The following SNTG1 variants were observed in gnomAD, a reference collection of about 807,000 sequenced individuals.
SNTG1 encodes gamma-1-syntrophin.
SNTG1 carries 39 observed loss-of-function variants against 74.7 expected under a neutral mutation model. That is an observed-to-expected ratio of 0.52 (90% CI 0.40 to 0.68). The LOEUF (loss-of-function observed/expected upper bound fraction) is 0.68, where lower values mean the gene tolerates loss of function less well. Among genes scored for constraint, SNTG1 ranks in the 30% least tolerant of loss-of-function variants. SNTG1 has a pLI of 0.00. For missense variants in SNTG1, 685 were observed against 609.5 expected, an observed-to-expected ratio of 1.12 and a Z score of -1.30; for synonymous variants, 254 against 217.1, an observed-to-expected ratio of 1.17 and a Z score of -1.49.
intron 2 of SNTG1, among the ~76,000 whole-genome samples, chr8:50,359,200 C>A (rs1332732909): frequency 6.6e-6 from 1 of 152,180 alleles, no homozygotes; most frequent in Non-Finnish European, 1.5e-5. Context: ...CTGCTTTGTG[C>A]TCAGTCTTCC....
At chr8:50,488,619 C>T (rs549754685) in intron 8 of SNTG1, among the ~76,000 whole-genome samples, 2 of 152,266 alleles carry the variant, frequency 1.3e-5, no homozygotes, top group South Asian at 4.1e-4. Flanking sequence ...CACCTAATGT[C>T]TATCCTCCAT....
At chr8:50,540,693 G>T (rs771157488) in intron 11 of SNTG1, among the ~76,000 whole-genome samples, 54 of 152,160 alleles carry the variant, frequency 3.5e-4, no homozygotes, top group Non-Finnish European at 2.9e-4. Context: ...AGTAGATTTA[G>T]AATTTTTATA....
intron 8 of SNTG1, among the ~76,000 whole-genome samples, chr8:50,498,311 T>C (rs1299540307): frequency 6.6e-6 from 1 of 151,916 alleles, no homozygotes; most frequent in Non-Finnish European, 1.5e-5. Context: ...TCAGAAGATT[T>C]ATAGTGGTAT....
chr8:50,275,075 C>T (rs772645733), intron 2 of SNTG1, among the ~76,000 whole-genome samples: 4 of 151,804 alleles, frequency 2.6e-5, no homozygotes, highest in Non-Finnish European at 4.4e-5. Flanking sequence ...GTAATGCTGG[C>T]CTTCTAGAGT....
chr8:50,568,048 T>G (rs1419606191), intron 12 of SNTG1, among the ~76,000 whole-genome samples: 1 of 152,070 alleles, frequency 6.6e-6, no homozygotes, highest in Admixed American at 6.6e-5. Context: ...AATATTCTAC[T>G]CTCTACTTCT....
intron 2 of SNTG1, among the ~76,000 whole-genome samples, chr8:50,273,569 C>T (rs919136933): frequency 7.9e-5 from 12 of 152,040 alleles, no homozygotes; most frequent in South Asian, 4.1e-4. Flanking sequence ...GAAAGTTGTT[C>T]GGTGTCATGG....
intron 1 of SNTG1, among the ~76,000 whole-genome samples, chr8:49,976,572 C>T (rs1302749185): frequency 6.6e-6 from 1 of 152,036 alleles, no homozygotes; most frequent in African/African-American, 2.4e-5. Flanking sequence ...AATGTCATGC[C>T]AAAAGAAAAG....
Position 50,793,090 on chromosome 8 carries a change from G to A in SNTG1, c.*261G>A. On this transcript the variant is annotated 3_prime_UTR_variant, in exon 19 of 19. Transcript: ENST00000642720. ...TAAGTGTATTGCTTTCACCAAAAGT[G>A]GAGACAAAAGAATAAATTATTTGAA... 3.2e-6 allele frequency: 1 copy of A among 307,888 alleles called. No homozygotes were observed. Among genetic ancestry groups the A allele is most frequent in the East Asian group, 5.3e-5 (1 of 19,032 alleles). The allele number at this position is 307,888 out of a possible 1,614,324, so 19.1% of individuals were successfully genotyped here.
chr8:50,134,709 GA>G (rs1318932248), intron 1 of SNTG1, among the ~76,000 whole-genome samples: 1 of 151,976 alleles, frequency 6.6e-6, no homozygotes, highest in Non-Finnish European at 1.5e-5. Context: ...TACTTTAGGA[GA>G]AAAAATAGTT....
intron 3 of SNTG1, among the ~76,000 whole-genome samples, chr8:50,395,809 C>A (rs952610218): frequency 3.9e-5 from 6 of 152,130 alleles, no homozygotes; most frequent in Non-Finnish European, 8.8e-5. Context: ...CTGTGCCCGG[C>A]CCATTTCTGG....
At chr8:49,968,646 G>C (rs1358634046) in intron 1 of SNTG1, among the ~76,000 whole-genome samples, 1 of 152,108 alleles carries the variant, frequency 6.6e-6, no homozygotes, top group Non-Finnish European at 1.5e-5. Context: ...TGTAGCTTCA[G>C]GATGCAGGTT....
chr8:50,742,417 G>A (rs2095545508), intron 17 of SNTG1, among the ~76,000 whole-genome samples: 1 of 151,888 alleles, frequency 6.6e-6, no homozygotes, highest in Non-Finnish European at 1.5e-5. Context: ...ACTCCTAACT[G>A]TCAACTGGAT....
chr8:50,739,306 GA>G (rs1387495422), intron 17 of SNTG1, among the ~76,000 whole-genome samples: 6 of 152,122 alleles, frequency 3.9e-5, no homozygotes, highest in African/African-American at 1.4e-4. Flanking sequence ...ACAAGCATAT[GA>G]AAAAAAGCTC....
At chr8:50,517,261 C>G (rs969468050) in intron 9 of SNTG1, among the ~76,000 whole-genome samples, 4 of 152,140 alleles carry the variant, frequency 2.6e-5, no homozygotes, top group African/African-American at 9.7e-5. Flanking sequence ...ATTTTGTCAT[C>G]ACTAAATCTG....
At chr8:50,464,973 G>A (rs1402519334) in intron 8 of SNTG1, among the ~76,000 whole-genome samples, 2 of 147,290 alleles carry the variant, frequency 1.4e-5, no homozygotes, top group Admixed American at 6.8e-5. Context: ...AAAATGCTCT[G>A]ATAGACTTTC....
At chr8:50,336,282 A>G (rs1033047968) in intron 2 of SNTG1, among the ~76,000 whole-genome samples, 2 of 152,140 alleles carry the variant, frequency 1.3e-5, no homozygotes, top group Non-Finnish European at 2.9e-5. Flanking sequence ...TTCTAAACAT[A>G]TTCCCTTCTA....
chr8:50,592,972 G>A (rs547142474), intron 13 of SNTG1, among the ~76,000 whole-genome samples: 6 of 152,120 alleles, frequency 3.9e-5, no homozygotes, highest in South Asian at 2.1e-4. Flanking sequence ...TGATAACAAC[G>A]CATTAATTGA....
intron 2 of SNTG1, among the ~76,000 whole-genome samples, chr8:50,208,998 C>T (rs1484777353): frequency 1.3e-5 from 2 of 152,140 alleles, no homozygotes; most frequent in Non-Finnish European, 2.9e-5. Flanking sequence ...GAAGCTGTGA[C>T]AGATGGTGCC....
chr8:50,178,191 T>G (rs1023736065), intron 2 of SNTG1, among the ~76,000 whole-genome samples: 1 of 152,240 alleles, frequency 6.6e-6, no homozygotes, highest in African/African-American at 2.4e-5. Flanking sequence ...TAATGCTTAG[T>G]AGCATAACTG....
Sources: gnomAD v4.1 joint callset for allele counts (sites outside exome capture counted in the v4.1 genomes callset) on GRCh38, gnomAD v4.1.1 for gene constraint, MANE v1.5 for transcripts, NCBI Gene and HGNC (gene_info 2026-07-23, HGNC 2026-07-21) for gene names.